The following DIAPH2 variants were observed in gnomAD, a reference collection of about 807,000 sequenced individuals.
The protein encoded by DIAPH2 is diaphanous related formin 2, also known as protein diaphanous homolog 2.
In DIAPH2, 35 loss-of-function variants were observed where a neutral mutation model predicts 92.7. The ratio of observed to expected loss-of-function variants is 0.38; its 90% CI spans 0.29 to 0.50. DIAPH2 has a LOEUF of 0.50. Among genes scored for constraint, DIAPH2 ranks in the 20% least tolerant of loss-of-function variants. The pLI is 0.94. For missense variants in DIAPH2, 701 were observed against 819.5 expected (o/e 0.86, Z 1.77); for synonymous variants, 301 against 280.4 (o/e 1.07, Z -0.73).
intron 26 of DIAPH2, among the ~76,000 whole-genome samples, chrX:97,547,018 G>GT (rs2071186514): frequency 8.9e-6 from 1 of 111,929 alleles, no homozygotes; most frequent in Non-Finnish European, 1.9e-5. Flanking sequence ...AGAAGAAGTT[G>GT]TAACACATGC....
intron 23 of DIAPH2, among the ~76,000 whole-genome samples, chrX:97,257,424 G>C (rs767281343): frequency 9.0e-6 from 1 of 111,710 alleles, no homozygotes; most frequent in African/African-American, 3.3e-5. Context: ...GAGTAACTGA[G>C]TTGACAATGG....
intron 5 of DIAPH2, among the ~76,000 whole-genome samples, chrX:96,897,250 C>CT (rs1454171238): frequency 4.5e-5 from 5 of 111,177 alleles, no homozygotes; most frequent in Non-Finnish European, 9.4e-5. Context: ...GTGTTGAATT[C>CT]TGAGATTTTA....
intron 26 of DIAPH2, among the ~76,000 whole-genome samples, chrX:97,460,795 A>T (rs1259233420): frequency 8.9e-6 from 1 of 111,896 alleles, no homozygotes; most frequent in Non-Finnish European, 1.9e-5. Context: ...GCCTAGTGAC[A>T]GCAACAAGTT....
At chrX:97,041,202 T>C (rs1368650674) in intron 17 of DIAPH2, among the ~76,000 whole-genome samples, 1 of 111,048 alleles carries the variant, frequency 9.0e-6, no homozygotes, top group Non-Finnish European at 1.9e-5. Context: ...CTAAAGGAAA[T>C]TGCCAACCTA....
intron 12 of DIAPH2, 118 bp downstream of exon 12, chrX:96,939,500 GTATATATATATGTATGTA>G (rs1342602762): frequency 8.6e-5 from 4 of 46,578 alleles, no homozygotes; most frequent in East Asian, 4.3e-4. Context: ...ATATATATAT[GTATATATATATGTATGTA>G]TATATATATA....
At chrX:96,966,780 TA>T (rs1405254407) in intron 17 of DIAPH2, among the ~76,000 whole-genome samples, 3 of 111,957 alleles carry the variant, frequency 2.7e-5, no homozygotes, top group Non-Finnish European at 5.6e-5. Flanking sequence ...ATTCTACAAG[TA>T]AAATTCCTGG....
chrX:96,911,363 G>A (rs1039388736), intron 5 of DIAPH2, among the ~76,000 whole-genome samples: 4 of 93,292 alleles, frequency 4.3e-5, no homozygotes, highest in African/African-American at 1.4e-4. Context: ...TTTGGAGGAG[G>A]CATTCTAGAA....
At chrX:97,052,962 T>C (rs1020932896) in intron 17 of DIAPH2, among the ~76,000 whole-genome samples, 5 of 111,079 alleles carry the variant, frequency 4.5e-5, no homozygotes, top group Non-Finnish European at 9.5e-5. Context: ...AGGCTGGCTT[T>C]GGACTAGGAA....
intron 24 of DIAPH2, among the ~76,000 whole-genome samples, chrX:97,381,711 A>C (rs1214920343): frequency 1.8e-5 from 2 of 111,790 alleles, no homozygotes; most frequent in African/African-American, 6.5e-5. Context: ...TGGGTATGTC[A>C]CTTAGCCTAC....
At chrX:97,239,342 G>T (rs764585549) in intron 22 of DIAPH2, among the ~76,000 whole-genome samples, 4 of 111,552 alleles carry the variant, frequency 3.6e-5, no homozygotes, top group African/African-American at 9.7e-5. Flanking sequence ...TCATATATTT[G>T]CTTGAAGCCA....
chrX:97,548,973 T>C (rs1489326584), intron 26 of DIAPH2, among the ~76,000 whole-genome samples: 1 of 112,558 alleles, frequency 8.9e-6, no homozygotes, highest in Admixed American at 9.4e-5. Flanking sequence ...AGGCCCACAT[T>C]AAGGGCCTGC....
intron 9 of DIAPH2, among the ~76,000 whole-genome samples, chrX:96,921,232 T>C (rs1303470287): frequency 9.0e-6 from 1 of 111,639 alleles, no homozygotes; most frequent in East Asian, 2.8e-4. Flanking sequence ...CACAGATTTT[T>C]TTTCCTAGCT....
At chrX:96,906,982 T>A (rs2065437855) in intron 5 of DIAPH2, among the ~76,000 whole-genome samples, 1 of 111,869 alleles carries the variant, frequency 8.9e-6, no homozygotes, top group South Asian at 3.8e-4. Flanking sequence ...CTGACTGGTC[T>A]ATTGTTTTTG....
chrX:97,409,274 C>T (rs1023257115), intron 25 of DIAPH2, among the ~76,000 whole-genome samples: 8 of 111,502 alleles, frequency 7.2e-5, no homozygotes, highest in Non-Finnish European at 1.1e-4. Context: ...AATTTGTCCA[C>T]GATTAAATAA....
At chrX:97,039,866 A>G (rs1366946536) in intron 17 of DIAPH2, among the ~76,000 whole-genome samples, 1 of 111,670 alleles carries the variant, frequency 9.0e-6, no homozygotes, top group African/African-American at 3.3e-5. Flanking sequence ...TTTAAAGATC[A>G]TCGTTTAAAA....
intron 24 of DIAPH2, among the ~76,000 whole-genome samples, chrX:97,382,525 C>G (rs1395710884): frequency 1.8e-5 from 2 of 112,151 alleles, no homozygotes; most frequent in East Asian, 5.6e-4. Context: ...AAAGAATAAT[C>G]TAGCCCAAAG....
chrX:97,586,946 G>A (rs1356586048), intron 26 of DIAPH2, among the ~76,000 whole-genome samples: 1 of 112,132 alleles, frequency 8.9e-6, no homozygotes, highest in Non-Finnish European at 1.9e-5. Flanking sequence ...GACTCACTGA[G>A]AACTATATAA....
chrX:96,811,551 C>G (rs771557620), intron 4 of DIAPH2, among the ~76,000 whole-genome samples: 48 of 111,684 alleles, frequency 4.3e-4, no homozygotes, highest in African/African-American at 7.8e-4. Flanking sequence ...GAACTTCCAA[C>G]ACTATGTTGA....
chrX:96,696,819 G>A (rs1032205319), intron 1 of DIAPH2, among the ~76,000 whole-genome samples: 1 of 112,213 alleles, frequency 8.9e-6, no homozygotes, highest in African/African-American at 3.2e-5. Context: ...AACTGTGCAA[G>A]GTCTGGGATT....
Sources: allele counts gnomAD v4.1 joint callset (sites outside exome capture counted in the v4.1 genomes callset), GRCh38; gene constraint gnomAD v4.1.1; transcripts MANE v1.5; gene names NCBI Gene and HGNC (gene_info 2026-07-23, HGNC 2026-07-21).